The following FOXK2 variants were observed in gnomAD, a reference collection of about 807,000 sequenced individuals.
FOXK2 encodes forkhead box protein K2.
Under a neutral mutation model 53.3 loss-of-function variants are expected in FOXK2, and 24 were observed. That is an observed-to-expected ratio of 0.45 (90% CI 0.33 to 0.63). The LOEUF (loss-of-function observed/expected upper bound fraction) is 0.63, where lower values mean the gene tolerates loss of function less well. Ranked by LOEUF, FOXK2 falls within the 30% of genes least tolerant of loss-of-function variation. The probability of loss-of-function intolerance (pLI) is 0.03; values close to 1 mark genes in which losing one functional copy is unlikely to be tolerated. For missense variants in FOXK2, 952 were observed against 910.5 expected (o/e 1.05, Z -0.59); for synonymous variants, 505 against 407.1 (o/e 1.24, Z -2.89).
intron 2 of FOXK2, among the ~76,000 whole-genome samples, chr17:82,567,500 G>A (rs1165356593): frequency 1.3e-5 from 2 of 152,118 alleles, no homozygotes; most frequent in Non-Finnish European, 2.9e-5. Context: ...GCTGCGTCCC[G>A]GGCGCCCCCA....
chr17:82,520,650 C>G (rs1486684205), intron 1 of FOXK2, among the ~76,000 whole-genome samples: 1 of 152,238 alleles, frequency 6.6e-6, no homozygotes, highest in South Asian at 2.1e-4. Context: ...CGAGGTCGCG[C>G]TGAACAGAAA....
Position 82,592,590 on chromosome 17 carries a change from T to A in FOXK2, c.1786+5318T>A, listed in dbSNP as rs1401273603. On this transcript the variant is annotated intron_variant, in intron 8 of 8. Transcript: ENST00000335255. ...ATTCTCCTCAGGCCCTGCCTTTCGCTTCTTTCGTTAACATTGTTCCTGCCT... is the reference window on the plus strand; with the variant it reads ...ATTCTCCTCAGGCCCTGCCTTTCGCATCTTTCGTTAACATTGTTCCTGCCT... Among the ~76,000 whole-genome samples, 3 of 152,356 alleles carry A rather than the reference T, an allele frequency of 2.0e-5. No homozygotes were observed. In the East Asian group the frequency reaches 5.8e-4, roughly 29 times the overall value.
intron 2 of FOXK2, among the ~76,000 whole-genome samples, chr17:82,564,734 G>GTTTTTTTTTTTTTTTTTTTT (rs11452758): frequency 7.2e-6 from 1 of 138,048 alleles, no homozygotes; most frequent in African/African-American, 2.7e-5. Context: ...TAGTCAAATG[G>GTTTTTTTTTTTTTTTTTTTT]TTTTTTTTTT....
chr17:82,530,445 TAAAAAAA>T (rs919452670), intron 1 of FOXK2, among the ~76,000 whole-genome samples: 3 of 78,876 alleles, frequency 3.8e-5, no homozygotes, highest in African/African-American at 9.0e-5. Flanking sequence ...AAACTCCATC[TAAAAAAA>T]AAAAAAAAAA....
At chr17:82,549,876 G>A (rs2144089685) in intron 1 of FOXK2, among the ~76,000 whole-genome samples, 1 of 152,336 alleles carries the variant, frequency 6.6e-6, no homozygotes, top group African/African-American at 2.4e-5. Context: ...GTGGGGTCCA[G>A]TGCAGAATGA....
intron 1 of FOXK2, among the ~76,000 whole-genome samples, chr17:82,548,506 C>A (rs1203558176): frequency 6.6e-6 from 1 of 152,092 alleles, no homozygotes; most frequent in Non-Finnish European, 1.5e-5. Flanking sequence ...GAATATTAAG[C>A]TTTGTTTATA....
chr17:82,525,289 G>T (rs756831075), intron 1 of FOXK2, among the ~76,000 whole-genome samples: 47 of 152,118 alleles, frequency 3.1e-4, no homozygotes, highest in African/African-American at 1.1e-3. Flanking sequence ...CAATTCTTCT[G>T]TCTCAGCCTC....
At chr17:82,564,310 A>C (rs1433666393) in intron 2 of FOXK2, among the ~76,000 whole-genome samples, 1 of 151,950 alleles carries the variant, frequency 6.6e-6, no homozygotes, top group Non-Finnish European at 1.5e-5. Context: ...GCTGATCTCA[A>C]ACTCCTGACC....
chr17:82,551,623 A>G (rs539500623), intron 1 of FOXK2, among the ~76,000 whole-genome samples: 28 of 151,712 alleles, frequency 1.8e-4, no homozygotes, highest in African/African-American at 4.8e-4. Context: ...GGAGGTTGCA[A>G]TGAGCTGAGA....
At chr17:82,580,891 G>T (rs1204199147) in intron 4 of FOXK2, among the ~76,000 whole-genome samples, 2 of 148,206 alleles carry the variant, frequency 1.3e-5, no homozygotes, top group Non-Finnish European at 3.0e-5. Flanking sequence ...CATCCACAGG[G>T]CCCAGATCCC....
intron 1 of FOXK2, among the ~76,000 whole-genome samples, chr17:82,546,479 G>A (rs1418881724): frequency 2.0e-5 from 3 of 152,032 alleles, no homozygotes; most frequent in East Asian, 1.9e-4. Context: ...GGTGCAGCTC[G>A]CCTTGTAAGT....
rs531967595 is a variant in FOXK2, at chr17:82,576,965, A to G, written c.909+5095A>G. On this transcript the variant is annotated intron_variant, in intron 4 of 8. Coordinates refer to ENST00000335255, the MANE Select transcript of FOXK2 (RefSeq NM_004514.4). ...ACCTGTGGTTGGAGGGTTCGAGACC[A>G]GATGACCAACACGGAGAAACTACAT... 194 of 392,330 alleles carry G rather than the reference A, an allele frequency of 4.9e-4. 2 individuals carry two copies. Among genetic ancestry groups the G allele is most frequent in the Middle Eastern group, 2.3e-3 (3 of 1,298 alleles). 24.3% of individuals were successfully genotyped at this position (392,330 alleles called of 1,614,324 possible). A position where few individuals can be genotyped will look rare whatever the true frequency, so the allele number is the denominator to read the frequency against.
intron 1 of FOXK2, among the ~76,000 whole-genome samples, chr17:82,521,109 A>G (rs1436588394): frequency 2.0e-5 from 3 of 152,168 alleles, no homozygotes; most frequent in Admixed American, 2.0e-4. Context: ...AATGCTAATT[A>G]TTCCTCAGGG....
chr17:82,554,269 T>C (rs2044702885), intron 1 of FOXK2, among the ~76,000 whole-genome samples: 1 of 152,222 alleles, frequency 6.6e-6, no homozygotes. Flanking sequence ...GATTCATTTC[T>C]GTGGGGCTGT....
At chr17:82,550,783 G>A (rs1247746662) in intron 1 of FOXK2, among the ~76,000 whole-genome samples, 1 of 152,164 alleles carries the variant, frequency 6.6e-6, no homozygotes, top group Non-Finnish European at 1.5e-5. Flanking sequence ...GGGATGACAG[G>A]TGTGGGCCAC....
At chr17:82,574,460 A>G (rs2044959558) in intron 4 of FOXK2, among the ~76,000 whole-genome samples, 1 of 152,054 alleles carries the variant, frequency 6.6e-6, no homozygotes, top group Non-Finnish European at 1.5e-5. Flanking sequence ...AGCTGGGACT[A>G]CAGGCTTGAG....
chr17:82,545,490 G>A (rs562054705), intron 1 of FOXK2, among the ~76,000 whole-genome samples: 2 of 152,062 alleles, frequency 1.3e-5, no homozygotes, highest in South Asian at 4.1e-4. Context: ...TCTGCTATAG[G>A]TAGACATTTA....
At position 82,603,629 on chromosome 17, in the gene FOXK2, GT is replaced by G. The variant is rs2045413045; in HGVS notation, c.*2131del. ...AACTGGTTACTTCTGATCCTGGAAC[GT>G]GGACTTCACATGATAGGTCTGGATC... On this transcript the variant is annotated 3_prime_UTR_variant, in exon 9 of 9. Transcript: ENST00000335255. 1 of 152,122 alleles carries G rather than the reference GT, an allele frequency of 6.6e-6. No individual in the cohort carries two copies. Among genetic ancestry groups the G allele is most frequent in the Admixed American group, 6.6e-5 (1 of 15,260 alleles). The allele number at this position is 152,122 out of a possible 1,614,324, so 9.4% of individuals were successfully genotyped here.
chr17:82,579,418 A>G (rs779531762), intron 4 of FOXK2, among the ~76,000 whole-genome samples: 1 of 152,184 alleles, frequency 6.6e-6, no homozygotes. Flanking sequence ...CCTTACCTAT[A>G]AACAGTTTCA....
Sources: allele counts gnomAD v4.1 joint callset (sites outside exome capture counted in the v4.1 genomes callset), GRCh38; gene constraint gnomAD v4.1.1; transcripts MANE v1.5; gene names NCBI Gene and HGNC (gene_info 2026-07-23, HGNC 2026-07-21).